The following THSD4 variants were observed in gnomAD, a reference collection of about 807,000 sequenced individuals.
The protein encoded by THSD4 is thrombospondin type 1 domain containing 4, also known as thrombospondin type-1 domain-containing protein 4.
In THSD4, 69 loss-of-function variants were observed where a neutral mutation model predicts 119.0. The ratio of observed to expected loss-of-function variants is 0.58; its 90% CI spans 0.48 to 0.71. THSD4 has a LOEUF of 0.71. THSD4 is among the 30% of genes least tolerant of loss of function. The probability of loss-of-function intolerance (pLI) is 0.00; values close to 1 mark genes in which losing one functional copy is unlikely to be tolerated. For missense variants in THSD4, 1,393 were observed against 1,391.1 expected, an observed-to-expected ratio of 1.00 and a Z score of -0.02; for synonymous variants, 524 against 540.4, an observed-to-expected ratio of 0.97 and a Z score of 0.42.
intron 7 of THSD4, among the ~76,000 whole-genome samples, chr15:71,602,595 A>AAAAAG: frequency 7.1e-6 from 1 of 140,166 alleles, no homozygotes; most frequent in Non-Finnish European, 1.5e-5. Flanking sequence ...AAAGAAAAAC[A>AAAAAG]GTCTCTATCC....
chr15:71,441,607 C>A (rs935066943), intron 7 of THSD4, among the ~76,000 whole-genome samples: 18 of 151,734 alleles, frequency 1.2e-4, no homozygotes, highest in African/African-American at 3.1e-4. Context: ...GTTGGCCAGG[C>A]TGGTCTCGAA....
At chr15:71,295,692 AAAAG>A (rs1166868693) in intron 6 of THSD4, among the ~76,000 whole-genome samples, 1 of 152,150 alleles carries the variant, frequency 6.6e-6, no homozygotes, top group African/African-American at 2.4e-5. Flanking sequence ...TTTAAAAAAA[AAAAG>A]CCAGCTCTAT....
At position 71,589,851 on chromosome 15, in the gene THSD4, A is replaced by G. The variant is rs553007551; in HGVS notation, c.1153-70679A>G. The stretch of plus-strand genomic sequence containing the variant: ...TAAATAAGTTGTGGCTATGCATGTA[A>G]TGAAGTACAGAGTAACACTTTAAAA... On this transcript the variant is annotated intron_variant, in intron 7 of 17. Transcript: ENST00000261862. Among the ~76,000 whole-genome samples, 4 of 139,626 alleles carry G rather than the reference A, an allele frequency of 2.9e-5. No homozygotes were observed. In the East Asian group the frequency reaches 8.3e-4, roughly 29 times the overall value. The allele number at this position is 139,626 out of a possible 152,430, so 91.6% of individuals were successfully genotyped here. A position where few individuals can be genotyped will look rare whatever the true frequency, so the allele number is the denominator to read the frequency against.
intron 7 of THSD4, among the ~76,000 whole-genome samples, chr15:71,442,676 A>ATGTG: frequency 1.1e-5 from 1 of 87,880 alleles, no homozygotes; most frequent in African/African-American, 4.3e-5. Context: ...ATATATATAT[A>ATGTG]TATATATATA....
chr15:71,486,646 T>C (rs184964311), intron 7 of THSD4, among the ~76,000 whole-genome samples: 6 of 143,810 alleles, frequency 4.2e-5, no homozygotes, highest in Admixed American at 2.8e-4. Flanking sequence ...TATTTCCCAC[T>C]CCTCTGTCCA....
At chr15:71,700,161 A>C (rs557185440) in intron 8 of THSD4, among the ~76,000 whole-genome samples, 3 of 152,314 alleles carry the variant, frequency 2.0e-5, no homozygotes, top group African/African-American at 7.2e-5. Flanking sequence ...CACCTTATTT[A>C]TATATGACAT....
Position 71,678,276 on chromosome 15 carries a change from C to T in THSD4, c.1357+17542C>T, listed in dbSNP as rs527636580. Among the ~76,000 whole-genome samples the T allele has an allele frequency of 3.3e-5, 5 of 152,294 alleles. No individual in the cohort carries two copies. In the East Asian group the frequency reaches 5.8e-4, roughly 18 times the overall value. ...GAAGAGATATCTAAGGTTTAAACAA[C>T]GTTTAATAAATATAGTTGACTTAAT... On this transcript the variant is annotated intron_variant, in intron 8 of 17. Transcript: ENST00000261862.
At chr15:71,218,890 A>C (rs552699565) in intron 4 of THSD4, among the ~76,000 whole-genome samples, 1 of 152,346 alleles carries the variant, frequency 6.6e-6, no homozygotes, top group South Asian at 2.1e-4. Context: ...TCAACCTTCC[A>C]CCAGATATTT....
chr15:71,141,543 A>G lies in THSD4; in HGVS notation c.16A>G (p.Met6Val). 2 of 1,610,438 alleles carry G rather than the reference A, an allele frequency of 1.2e-6. No homozygotes were observed. The highest frequency in any genetic ancestry group is 1.7e-6 in the Non-Finnish European group (2 of 1,178,552). MVSHF[M>V]GSLSVLCFLL... ...CCCCAGCATCATGGTTTCCCATTTC[A>G]TGGGGTCTCTCAGGTAAGTGAAGAA... Residue 6 changes from methionine (M) to valine (V), a missense_variant, in exon 2 of 18, where the codon ATG (methionine) becomes GTG (valine). By Grantham distance (21) the Met-to-Val change is conservative (BLOSUM62 1). Transcript: ENST00000261862.
At chr15:71,170,912 G>A (rs1350576156) in intron 3 of THSD4, among the ~76,000 whole-genome samples, 1 of 152,044 alleles carries the variant, frequency 6.6e-6, no homozygotes, top group Non-Finnish European at 1.5e-5. Context: ...TATACTGGAT[G>A]GGATTAATGG....
chr15:71,680,188 C>A (rs1330253679), intron 8 of THSD4, among the ~76,000 whole-genome samples: 1 of 152,102 alleles, frequency 6.6e-6, no homozygotes, highest in Non-Finnish European at 1.5e-5. Context: ...AAATCCCTTC[C>A]CTTGTCTCTA....
rs201216836 is a variant in THSD4, at chr15:71,357,890, AAG to A, written c.1016-53794_1016-53793del. On this transcript the variant is annotated intron_variant, in intron 6 of 17. Transcript: ENST00000261862. Reference sequence around the variant, plus strand: ...CACTACCAACTGCCTTACTTATTCAAAGAGGGGGAAAAAGCATTCATGCTGGC... The same window carrying A: ...CACTACCAACTGCCTTACTTATTCAAAGGGGGAAAAAGCATTCATGCTGGC... Among the ~76,000 whole-genome samples, 181 of 152,280 alleles carry A rather than the reference AAG, an allele frequency of 1.2e-3. 5 individuals carry two copies. The East Asian group carries it at 0.028, about 24-fold the overall frequency.
chr15:71,245,961 T>C (rs1202800068), intron 5 of THSD4, among the ~76,000 whole-genome samples: 2 of 152,102 alleles, frequency 1.3e-5, no homozygotes, highest in African/African-American at 4.8e-5. Flanking sequence ...TGCCCCAGCA[T>C]CTCAGCATCA....
chr15:71,213,009 A>G (rs2043900241), intron 3 of THSD4, among the ~76,000 whole-genome samples: 1 of 152,186 alleles, frequency 6.6e-6, no homozygotes, highest in South Asian at 2.1e-4. Flanking sequence ...AGCACACTCC[A>G]TTATTTTCCT....
intron 7 of THSD4, among the ~76,000 whole-genome samples, chr15:71,638,353 A>G (rs1416008236): frequency 2.0e-5 from 3 of 152,206 alleles, no homozygotes; most frequent in Non-Finnish European, 2.9e-5. Context: ...TGTGACACAT[A>G]AAAATTGTGA....
chr15:71,312,572 T>A (rs2045126578), intron 6 of THSD4, among the ~76,000 whole-genome samples: 1 of 152,048 alleles, frequency 6.6e-6, no homozygotes, highest in African/African-American at 2.4e-5. Flanking sequence ...TTTCTATTAT[T>A]TAAGCCACCC....
At chr15:71,209,145 G>A (rs1216475546) in intron 3 of THSD4, among the ~76,000 whole-genome samples, 1 of 152,168 alleles carries the variant, frequency 6.6e-6, no homozygotes, top group Non-Finnish European at 1.5e-5. Context: ...TTGGACCTGT[G>A]TCTTACACAT....
At position 71,404,559 on chromosome 15, in the gene THSD4, G is replaced by C. The variant is rs150920147; in HGVS notation, c.1016-7128G>C. Reference sequence around the variant, plus strand: ...ATGCTGCTGCTATATCTGAATGTTAGTGTCACCCCAAAATTCAAATGCTGG... The same window carrying C: ...ATGCTGCTGCTATATCTGAATGTTACTGTCACCCCAAAATTCAAATGCTGG... On this transcript the variant is annotated intron_variant, in intron 6 of 17. Transcript: ENST00000261862. 2.8e-3 allele frequency among the ~76,000 whole-genome samples: 419 copies of C among 152,196 alleles called. 3 individuals carry two copies. Among genetic ancestry groups the C allele is most frequent in the African/African-American group, 9.3e-3 (387 of 41,502 alleles).
intron 6 of THSD4, among the ~76,000 whole-genome samples, chr15:71,406,648 G>C (rs984459283): frequency 2.7e-4 from 8 of 29,190 alleles, no homozygotes; most frequent in African/African-American, 9.0e-4. Flanking sequence ...TGTTTGGTGT[G>C]TGTGTGTGTG....
Sources: gnomAD v4.1 joint callset for allele counts (sites outside exome capture counted in the v4.1 genomes callset) on GRCh38, gnomAD v4.1.1 for gene constraint, MANE v1.5 for transcripts, NCBI Gene and HGNC (gene_info 2026-07-23, HGNC 2026-07-21) for gene names.